ZNF268: variants seen among roughly 807,000 people sequenced by gnomAD.
ZNF268 encodes zinc finger protein 268.
ZNF268 carries 20 observed loss-of-function variants against 29.3 expected under a neutral mutation model. The observed-to-expected ratio is 0.68, with a 90% CI of 0.48 to 0.99. The LOEUF is 0.99. Among genes scored for constraint, ZNF268 ranks in the 50% least tolerant of loss-of-function variants. The pLI is 0.00. For missense variants in ZNF268, 1,240 were observed against 1,121.6 expected (o/e 1.11, Z -1.51); for synonymous variants, 429 against 376.9 (o/e 1.14, Z -1.60).
At position 133,202,327 on chromosome 12, in the gene ZNF268, A is replaced by G; in HGVS notation, c.641A>G (p.Asp214Gly). 1 of 1,611,922 alleles carries G rather than the reference A, an allele frequency of 6.2e-7. No homozygotes were observed. Among genetic ancestry groups the G allele is most frequent in the Non-Finnish European group, 8.5e-7 (1 of 1,179,000 alleles). ...GTHGKSLKYI[D>G]FTSDYARNNP... ...CATGGAAAGAGTTTGAAATATATAG[A>G]TTTCACTAGTGATTATGCTAGAAAT... Residue 214 changes from aspartate (D) to glycine (G), a missense_variant, in exon 6 of 6, where the codon GAT (aspartate) becomes GGT (glycine). By Grantham distance (94) the Asp-to-Gly change is moderately conservative. This residue lies in a region of ZNF268 where 1,177 missense variants were observed against 1,039.6 expected (regional missense o/e 1.13). Transcript: ENST00000536435.
At chr12:133,191,659 C>G (rs1196728653) in intron 4 of ZNF268, 44 bp downstream of exon 4, 1 of 1,604,370 alleles carries the variant, frequency 6.2e-7, no homozygotes, top group African/African-American at 1.3e-5. Flanking sequence ...GATCTCCAGG[C>G]TTCTTCTTGG....
In ZNF268 at chr12:133,207,298, AAC is replaced by A. The variant is rs1158899367; in HGVS notation, c.*2770_*2771del. ...AAATGACTTGCAAACCATATTTGTG[AAC>A]ATAGGTTTAAAAATCCATATTTGTG... is the stretch of plus-strand genomic sequence containing the variant. On this transcript the variant is annotated 3_prime_UTR_variant, in exon 6 of 6. Transcript: ENST00000536435. The A allele has an allele frequency of 4.3e-5, 1 of 23,328 alleles. No individual in the cohort carries two copies. The highest frequency in any genetic ancestry group is 7.5e-3 in the East Asian group (1 of 134). 1.4% of individuals were successfully genotyped at this position (23,328 alleles called of 1,614,324 possible). A position where few individuals can be genotyped will look rare whatever the true frequency, so the allele number is the denominator to read the frequency against.
In ZNF268 at chr12:133,187,548, A is replaced by G. The variant is rs74795891; in HGVS notation, c.34-324A>G. Among the ~76,000 whole-genome samples, 966 of 152,176 alleles carry G rather than the reference A, an allele frequency of 6.3e-3. 8 individuals carry two copies. The highest frequency in any genetic ancestry group is 0.022 in the African/African-American group (911 of 41,446). On this transcript the variant is annotated intron_variant, in intron 2 of 5. Coordinates refer to ENST00000536435, the MANE Select transcript of ZNF268 (RefSeq NM_003415.3). ...GTGTGGGTATTCCTACTGCCCTACC[A>G]AACCAGCCTATTAAGACGCCATTTG...
chr12:133,198,111 T>G (rs912744547), intron 5 of ZNF268, among the ~76,000 whole-genome samples: 4 of 151,524 alleles, frequency 2.6e-5, no homozygotes, highest in African/African-American at 9.7e-5. Context: ...TCCTTGCCCA[T>G]GCCTATGTCC....
In ZNF268 at chr12:133,204,525, CATT is replaced by C; in HGVS notation, c.2840_2842del (p.His947_Ter948delinsArg). ...TCAGAGAACTCATGTAGATGACAAACATTGATAATTTTACGAAACTCTGAAAAG... is the reference window on the plus strand; with the variant it reads ...TCAGAGAACTCATGTAGATGACAAACGATAATTTTACGAAACTCTGAAAAG... On this transcript the variant is annotated stop_lost and inframe_deletion, in exon 6 of 6. Coordinates refer to ENST00000536435, the MANE Select transcript of ZNF268 (RefSeq NM_003415.3). 1 of 1,493,416 alleles carries C rather than the reference CATT, an allele frequency of 6.7e-7. No individual in the cohort carries two copies. Among genetic ancestry groups the C allele is most frequent in the Non-Finnish European group, 8.9e-7 (1 of 1,127,732 alleles). The allele number at this position is 1,493,416 out of a possible 1,614,324, so 92.5% of individuals were successfully genotyped here.
rs1168874091 is a variant in ZNF268 at position 133,208,884 on chromosome 12, C to G, written c.*4354C>G. ...CAGTTGTCAGTATTCATGGAGGACC[C>G]CCCCGCAACCACAGATACTCCCTGT... is the stretch of plus-strand genomic sequence containing the variant. On this transcript the variant is annotated 3_prime_UTR_variant, in exon 6 of 6. Transcript: ENST00000536435. 1.3e-5 allele frequency: 1 copy of G among 74,774 alleles called. No individual in the cohort carries two copies. 4.6% of individuals were successfully genotyped at this position (74,774 alleles called of 1,614,324 possible). A position where few individuals can be genotyped will look rare whatever the true frequency, so the allele number is the denominator to read the frequency against.
rs1245657803 is a variant in ZNF268 at position 133,203,315 on chromosome 12, C to G, written c.1629C>G (p.Leu543=). The G allele has an allele frequency of 1.3e-6, 2 of 1,542,784 alleles. No homozygotes were observed. Among genetic ancestry groups the G allele is most frequent in the East Asian group, 2.4e-5 (1 of 41,050 alleles). The part of the protein sequence containing the change: ...CGKAFSFKSQ[L]IIHQRIHTGE... ...AAGCCTTCAGTTTTAAATCACAGCT[C>G]ATTATACATCAGAGGATTCATACAG... The change falls in exon 6 of 6, where the codon CTC becomes CTG. Residue 543 remains leucine, a synonymous_variant. Coordinates refer to ENST00000536435, the MANE Select transcript of ZNF268 (RefSeq NM_003415.3).
At chr12:133,183,680 G>A (rs1199377180) in intron 2 of ZNF268, among the ~76,000 whole-genome samples, 3 of 152,158 alleles carry the variant, frequency 2.0e-5, no homozygotes, top group Non-Finnish European at 4.4e-5. Context: ...GTGATTGGTA[G>A]AGGGGGAAGA....
In ZNF268 at chr12:133,211,685, T is replaced by C. The variant is rs1237283908; in HGVS notation, c.*7155T>C. 1 of 152,186 alleles carries C rather than the reference T, an allele frequency of 6.6e-6. No individual in the cohort carries two copies. Among genetic ancestry groups the C allele is most frequent in the Non-Finnish European group, 1.5e-5 (1 of 68,298 alleles). The allele number at this position is 152,186 out of a possible 1,614,324, so 9.4% of individuals were successfully genotyped here. A position where few individuals can be genotyped will look rare whatever the true frequency, so the allele number is the denominator to read the frequency against. On this transcript the variant is annotated 3_prime_UTR_variant, in exon 6 of 6. Coordinates refer to ENST00000536435, the MANE Select transcript of ZNF268 (RefSeq NM_003415.3). Reference sequence around the variant, plus strand: ...GGAAAAGCAAATTAAAACAACGAGATAGCACCGCACATCTATTAAAGTGAC... The same window carrying C: ...GGAAAAGCAAATTAAAACAACGAGACAGCACCGCACATCTATTAAAGTGAC...
chr12:133,202,104 A>G (rs769123155), intron 5 of ZNF268, 40 bp from the exon 6 acceptor site: 17 of 1,483,404 alleles, frequency 1.1e-5, no homozygotes, highest in Non-Finnish European at 1.4e-5. Flanking sequence ...TACCGCAATC[A>G]TGTGATTTAT....
chr12:133,181,828 T>A (rs1956183850), intron 1 of ZNF268, 118 bp from the exon 2 acceptor site: 2 of 673,790 alleles, frequency 3.0e-6, no homozygotes, highest in East Asian at 5.5e-5. Context: ...TCCCGTGCTG[T>A]GGGAGGGAAG....
rs765833287 is a variant in ZNF268, at chr12:133,203,493, CAG to C, written c.1811_1812del (p.Arg604AsnfsTer9). The C allele has an allele frequency of 6.2e-5, 96 of 1,543,396 alleles. No individual in the cohort carries two copies. Among genetic ancestry groups the C allele is most frequent in the Middle Eastern group, 5.0e-4 (3 of 6,020 alleles). On this transcript the variant is annotated frameshift_variant, in exon 6 of 6. Transcript: ENST00000536435. LOFTEE classifies it low-confidence loss of function (END_TRUNC). ...TTTAAAGTCACAGCTTATTATACAC[CAG>C]AGAACTCATACAGGGGAGAAACCAT... is the stretch of plus-strand genomic sequence containing the variant. ...FGLKSQLIIH[Q>X]RTHTGEKPFE... is the part of the protein sequence containing the mutation.
rs1214097096 is a variant in ZNF268, at chr12:133,212,534, CAT to C, written c.*8012_*8013del. On this transcript the variant is annotated 3_prime_UTR_variant, in exon 6 of 6. Transcript: ENST00000536435. ...ACACACACATACACACATATATACACATATATATACACATATACACATATATA... is the reference window on the plus strand; with the variant it reads ...ACACACACATACACACATATATACACATATATACACATATACACATATATA... The C allele has an allele frequency of 3.3e-3, 476 of 142,314 alleles. 11 individuals carry two copies. The East Asian group carries it at 0.059, about 18-fold the overall frequency. The allele number at this position is 142,314 out of a possible 1,614,324, so 8.8% of individuals were successfully genotyped here. A position where few individuals can be genotyped will look rare whatever the true frequency, so the allele number is the denominator to read the frequency against.
intron 5 of ZNF268, among the ~76,000 whole-genome samples, chr12:133,199,979 C>T (rs1956710892): frequency 6.6e-6 from 1 of 152,168 alleles, no homozygotes; most frequent in African/African-American, 2.4e-5. Flanking sequence ...AAAAAACCAG[C>T]TCCTGGATTC....
chr12:133,187,012 G>A (rs936703151), intron 2 of ZNF268, among the ~76,000 whole-genome samples: 5 of 152,048 alleles, frequency 3.3e-5, no homozygotes, highest in African/African-American at 1.2e-4. Flanking sequence ...GAGGTTGTTC[G>A]CTCCCTCTTC....
chr12:133,200,061 T>C (rs546672528), intron 5 of ZNF268, among the ~76,000 whole-genome samples: 2 of 152,196 alleles, frequency 1.3e-5, no homozygotes, highest in Non-Finnish European at 2.9e-5. Flanking sequence ...ATTTCTTGCC[T>C]TCTTCTAGCT....
intron 3 of ZNF268, among the ~76,000 whole-genome samples, chr12:133,190,115 ATC>A (rs1956430356): frequency 6.6e-6 from 1 of 152,164 alleles, no homozygotes; most frequent in Non-Finnish European, 1.5e-5. Context: ...GCCCAAGTTT[ATC>A]TGTTTTTGAG....
rs770904692 is a variant in ZNF268 at position 133,204,152 on chromosome 12, A to G, written c.2466A>G (p.Leu822=). ...GGAAAGCCTTCATTTGGAAATCACT[A>G]CTCATTGTACATGAGCGAACTCATG... ...ECGKAFIWKS[L]LIVHERTHAG... is the part of the protein sequence containing the mutation. The change falls in exon 6 of 6, where the codon CTA becomes CTG. Residue 822 remains leucine (L), a synonymous_variant. Coordinates refer to ENST00000536435, the MANE Select transcript of ZNF268 (RefSeq NM_003415.3). The G allele has an allele frequency of 6.5e-6, 10 of 1,541,706 alleles. No homozygotes were observed. The South Asian group carries it at 1.1e-4, about 16-fold the overall frequency.
rs1051667666 is a variant in ZNF268 at position 133,204,690 on chromosome 12, C to T, written c.*160C>T. 6 of 549,124 alleles carry T rather than the reference C, an allele frequency of 1.1e-5. No homozygotes were observed. Among genetic ancestry groups the T allele is most frequent in the Non-Finnish European group, 1.8e-5 (6 of 326,672 alleles). The allele number at this position is 549,124 out of a possible 1,614,324, so 34.0% of individuals were successfully genotyped here. ...CATATGGAAAGGCATCCACAGAAAG[C>T]TGTTCTTTACATGCAAAAAGATAGT... is the stretch of plus-strand genomic sequence containing the variant. On this transcript the variant is annotated 3_prime_UTR_variant, in exon 6 of 6. Coordinates refer to ENST00000536435, the MANE Select transcript of ZNF268 (RefSeq NM_003415.3).
Sources: gnomAD v4.1 joint callset for allele counts (sites outside exome capture counted in the v4.1 genomes callset) on GRCh38, gnomAD v4.1.1 for gene constraint, gnomAD v4.1.1 regional missense constraint, MANE v1.5 for transcripts, NCBI Gene and HGNC (gene_info 2026-07-23, HGNC 2026-07-21) for gene names.